The following NRXN3 variants were observed in gnomAD, a reference collection of about 807,000 sequenced individuals.
NRXN3 encodes the protein neurexin 3.
A neutral mutation model predicts 137.6 loss-of-function variants in NRXN3; 32 were observed. That is an observed-to-expected ratio of 0.23 (90% CI 0.18 to 0.31). The LOEUF (loss-of-function observed/expected upper bound fraction) is 0.31. Among genes scored for constraint, NRXN3 ranks in the 10% least tolerant of loss-of-function variants. The pLI, the probability that NRXN3 is intolerant of heterozygous loss-of-function variation, is 1.00. For missense variants in NRXN3, 1,574 were observed against 2,062.5 expected (o/e 0.76, Z 4.59); for synonymous variants, 798 against 784.5 (o/e 1.02, Z -0.29).
rs56193432 is a variant in NRXN3 at position 78,286,106 on chromosome 14, G to T, written c.727+7444G>T. Among the ~76,000 whole-genome samples the T allele has an allele frequency of 2.1e-3, 313 of 152,272 alleles. 2 individuals are homozygous for T. The highest frequency in any genetic ancestry group is 7.2e-3 in the African/African-American group (301 of 41,552). On this transcript the variant is annotated intron_variant, in intron 3 of 20. Coordinates refer to ENST00000335750, the MANE Select transcript of NRXN3 (RefSeq NM_001330195.2). ...TCTTAGGCAGACCCACCGGGGTATTGGTTATGGTCACATTTCATTTCCCAG... is the reference window on the plus strand; with the variant it reads ...TCTTAGGCAGACCCACCGGGGTATTTGTTATGGTCACATTTCATTTCCCAG...
At chr14:78,446,999 A>G (rs988161374) in intron 4 of NRXN3, among the ~76,000 whole-genome samples, 1 of 152,146 alleles carries the variant, frequency 6.6e-6, no homozygotes, top group Non-Finnish European at 1.5e-5. Context: ...GTTTCTGTCC[A>G]TGGTGCTAAA....
At chr14:79,175,114 G>A (rs541081176) in intron 15 of NRXN3, among the ~76,000 whole-genome samples, 33 of 151,812 alleles carry the variant, frequency 2.2e-4, no homozygotes, top group South Asian at 6.3e-4. Flanking sequence ...CCGAGTAGCT[G>A]GGACTACAGG....
chr14:78,966,515 C>A, intron 12 of NRXN3, 109 bp downstream of exon 12: 1 of 1,147,086 alleles, frequency 8.7e-7, no homozygotes, highest in Non-Finnish European at 1.2e-6. Flanking sequence ...ACCCTCCATT[C>A]CTGACACATT....
At chr14:78,234,994 T>TTATATATATATATATATATA (rs57469863) in intron 1 of NRXN3, among the ~76,000 whole-genome samples, 49 of 108,796 alleles carry the variant, frequency 4.5e-4, no homozygotes, top group African/African-American at 1.5e-3. Context: ...ACAAATGCTT[T>TTATATATATATATATATATA]TATATATATA....
At chr14:79,512,447 T>C (rs1275692685) in intron 16 of NRXN3, among the ~76,000 whole-genome samples, 2 of 152,060 alleles carry the variant, frequency 1.3e-5, no homozygotes, top group Non-Finnish European at 2.9e-5. Context: ...AAATAAGTAA[T>C]CTATAAACAA....
chr14:78,886,025 C>T (rs2099142666), intron 10 of NRXN3, among the ~76,000 whole-genome samples: 1 of 152,076 alleles, frequency 6.6e-6, no homozygotes, highest in Admixed American at 6.6e-5. Context: ...AGCTAGCCAA[C>T]ATCTCTGGAA....
At chr14:79,619,680 T>C (rs1398901135) in intron 16 of NRXN3, among the ~76,000 whole-genome samples, 2 of 152,078 alleles carry the variant, frequency 1.3e-5, no homozygotes, top group African/African-American at 4.8e-5. Flanking sequence ...ACAGTATTCA[T>C]AAAAATGAAC....
At chr14:78,175,851 G>T (rs763500758) in intron 1 of NRXN3, among the ~76,000 whole-genome samples, 1 of 152,208 alleles carries the variant, frequency 6.6e-6, no homozygotes, top group African/African-American at 2.4e-5. Flanking sequence ...TCCAGCCCAT[G>T]ACACTGTCTT....
intron 10 of NRXN3, among the ~76,000 whole-genome samples, chr14:78,898,350 G>C (rs2099184591): frequency 6.6e-6 from 1 of 151,936 alleles, no homozygotes; most frequent in Non-Finnish European, 1.5e-5. Flanking sequence ...AAGGATGACT[G>C]AAATGTGGTT....
chr14:78,705,948 C>T (rs528209850), intron 6 of NRXN3, among the ~76,000 whole-genome samples: 241 of 152,282 alleles, frequency 1.6e-3, no homozygotes, highest in Non-Finnish European at 2.5e-3. Flanking sequence ...ATCTTCATTC[C>T]GGCTATTCAC....
intron 16 of NRXN3, among the ~76,000 whole-genome samples, chr14:79,480,843 A>G (rs1373339052): frequency 2.6e-5 from 4 of 152,086 alleles, no homozygotes; most frequent in African/African-American, 9.7e-5. Flanking sequence ...CAGACATGTA[A>G]GATGTGCTAG....
chr14:78,932,335 G>A (rs1462810558), intron 10 of NRXN3, among the ~76,000 whole-genome samples: 1 of 152,078 alleles, frequency 6.6e-6, no homozygotes, highest in Non-Finnish European at 1.5e-5. Context: ...TCTGTCAGGT[G>A]CCAGCAAGCA....
At chr14:79,600,720 CCA>C (rs2097912970) in intron 16 of NRXN3, among the ~76,000 whole-genome samples, 1 of 152,066 alleles carries the variant, frequency 6.6e-6, no homozygotes, top group Non-Finnish European at 1.5e-5. Context: ...ACGCGAAATA[CCA>C]GGGGTACTAG....
intron 15 of NRXN3, among the ~76,000 whole-genome samples, chr14:79,300,831 CTG>C (rs1329772893): frequency 1.3e-5 from 2 of 152,014 alleles, no homozygotes; most frequent in Middle Eastern, 3.2e-3. Context: ...GGGTTTCTTG[CTG>C]TGTTTGCCAA....
chr14:78,653,710 TACACACACACAC>T (rs10650669), intron 6 of NRXN3, among the ~76,000 whole-genome samples: 17 of 143,008 alleles, frequency 1.2e-4, no homozygotes, highest in African/African-American at 4.4e-4. Flanking sequence ...GAAAATAAAA[TACACACACACAC>T]ACACACACAC....
chr14:79,211,756 C>T (rs1255820080), intron 15 of NRXN3, among the ~76,000 whole-genome samples: 1 of 152,156 alleles, frequency 6.6e-6, no homozygotes, highest in Non-Finnish European at 1.5e-5. Flanking sequence ...CCCTTGTCTT[C>T]ATGACTTTCA....
intron 15 of NRXN3, among the ~76,000 whole-genome samples, chr14:79,193,610 T>G (rs989910070): frequency 2.0e-5 from 3 of 152,238 alleles, no homozygotes; most frequent in Admixed American, 6.5e-5. Flanking sequence ...AAGGCCCCTC[T>G]CAAGTGAAAT....
intron 15 of NRXN3, among the ~76,000 whole-genome samples, chr14:79,447,881 G>A (rs1452248834): frequency 6.6e-6 from 1 of 152,204 alleles, no homozygotes; most frequent in Non-Finnish European, 1.5e-5. Context: ...TCATACATGT[G>A]TTCTTCATAC....
intron 10 of NRXN3, among the ~76,000 whole-genome samples, chr14:78,830,284 GACAA>G (rs1315292259): frequency 1.3e-5 from 2 of 152,030 alleles, no homozygotes; most frequent in East Asian, 1.9e-4. Flanking sequence ...AAATAGGCTT[GACAA>G]ACTGGTGATA....
Sources: allele counts gnomAD v4.1 joint callset (sites outside exome capture counted in the v4.1 genomes callset), GRCh38; gene constraint gnomAD v4.1.1; transcripts MANE v1.5; gene names NCBI Gene and HGNC (gene_info 2026-07-23, HGNC 2026-07-21).